The following MAP3K20 variants were observed in gnomAD, a reference collection of about 807,000 sequenced individuals.
MAP3K20 encodes the protein mitogen-activated protein kinase kinase kinase 20, also known as HCCS-4.
Under a neutral mutation model 85.7 loss-of-function variants are expected in MAP3K20, and 40 were observed. The ratio of observed to expected loss-of-function variants is 0.47; its 90% CI spans 0.36 to 0.61. MAP3K20 has a LOEUF of 0.61. Ranked by LOEUF, MAP3K20 falls within the 20% of genes least tolerant of loss-of-function variation. MAP3K20 has a pLI of 0.00. For synonymous variants in MAP3K20, 325 were observed against 327.7 expected (o/e 0.99, Z 0.09); for missense variants, 817 against 961.7 (o/e 0.85, Z 1.99).
intron 2 of MAP3K20, among the ~76,000 whole-genome samples, chr2:173,140,355 AT>A (rs61712003): frequency 5.0e-5 from 7 of 140,968 alleles, no homozygotes; most frequent in South Asian, 2.3e-4. Flanking sequence ...AACTTTCCAG[AT>A]TTTTTTTTTG....
At chr2:173,135,161 A>G (rs1233154774) in intron 2 of MAP3K20, among the ~76,000 whole-genome samples, 1 of 152,236 alleles carries the variant, frequency 6.6e-6, no homozygotes, top group Non-Finnish European at 1.5e-5. Context: ...AAATATTGAA[A>G]AAAAGTTTCC....
intron 10 of MAP3K20, among the ~76,000 whole-genome samples, chr2:173,213,075 T>C (rs992230476): frequency 3.3e-5 from 5 of 152,162 alleles, no homozygotes; most frequent in African/African-American, 9.7e-5. Context: ...ATTGTGTATA[T>C]GTACACAGAG....
intron 16 of MAP3K20, among the ~76,000 whole-genome samples, chr2:173,247,758 A>C (rs1225501948): frequency 1.3e-5 from 2 of 152,224 alleles, no homozygotes; most frequent in Non-Finnish European, 2.9e-5. Context: ...GAAGTGATAG[A>C]TAAATGTTTA....
chr2:173,092,256 C>T (rs892413907), intron 2 of MAP3K20, among the ~76,000 whole-genome samples: 18 of 152,146 alleles, frequency 1.2e-4, no homozygotes, highest in Non-Finnish European at 4.4e-5. Context: ...TTTTGGAAGA[C>T]ATTAAGAAAG....
chr2:173,085,373 C>CTTTT (rs1368505371), intron 1 of MAP3K20, among the ~76,000 whole-genome samples: 19 of 152,170 alleles, frequency 1.2e-4, no homozygotes, highest in Admixed American at 5.2e-4. Context: ...AGATTGAAAA[C>CTTTT]TTTAAAAAGT....
At chr2:173,228,775 C>T (rs766207343) in intron 11 of MAP3K20, among the ~76,000 whole-genome samples, 17 of 151,298 alleles carry the variant, frequency 1.1e-4, no homozygotes, top group Non-Finnish European at 2.1e-4. Flanking sequence ...ACTCACCTAC[C>T]CTATGATTTT....
At chr2:173,175,081 C>T (rs2106256799) in intron 3 of MAP3K20, among the ~76,000 whole-genome samples, 1 of 152,212 alleles carries the variant, frequency 6.6e-6, no homozygotes, top group East Asian at 1.9e-4. Context: ...TTTTGTTGCC[C>T]CTCCCTACTT....
intron 2 of MAP3K20, among the ~76,000 whole-genome samples, chr2:173,155,746 G>A (rs560776094): frequency 6.6e-6 from 1 of 152,212 alleles, no homozygotes; most frequent in African/African-American, 2.4e-5. Context: ...GTATGTTTTG[G>A]GATTATTTGA....
intron 2 of MAP3K20, among the ~76,000 whole-genome samples, chr2:173,161,806 A>T (rs1689665688): frequency 6.6e-6 from 1 of 152,170 alleles, no homozygotes; most frequent in Non-Finnish European, 1.5e-5. Flanking sequence ...GAGTAACCTG[A>T]ATGAACGCTG....
intron 2 of MAP3K20, among the ~76,000 whole-genome samples, chr2:173,154,284 A>G (rs1689392172): frequency 1.3e-5 from 2 of 152,162 alleles, no homozygotes; most frequent in African/African-American, 4.8e-5. Context: ...CCCAGGTTCA[A>G]GCAATTCTCT....
rs370417377 is a variant in MAP3K20 at position 173,134,759 on chromosome 2, C to G, written c.160-35046C>G. Reference sequence around the variant, plus strand: ...TTTTATTTAGGCTACAGAGCCCTTTCCATCCTTATTATGCTTAATATATGC... The same window carrying G: ...TTTTATTTAGGCTACAGAGCCCTTTGCATCCTTATTATGCTTAATATATGC... On this transcript the variant is annotated intron_variant, in intron 2 of 19. Coordinates refer to ENST00000375213, the MANE Select transcript of MAP3K20 (RefSeq NM_016653.3). Among the ~76,000 whole-genome samples the G allele has an allele frequency of 5.4e-4, 82 of 152,132 alleles. 1 individual carries two copies. The South Asian group carries it at 9.6e-3, about 18-fold the overall frequency.
chr2:173,259,168 C>T (rs543579643), intron 17 of MAP3K20, among the ~76,000 whole-genome samples: 6 of 152,036 alleles, frequency 3.9e-5, no homozygotes, highest in Non-Finnish European at 7.4e-5. Flanking sequence ...CTTTGGAAAA[C>T]TTTTCCCGGA....
chr2:173,121,981 G>A (rs908129168), intron 2 of MAP3K20, among the ~76,000 whole-genome samples: 8 of 152,146 alleles, frequency 5.3e-5, no homozygotes, highest in Admixed American at 1.3e-4. Flanking sequence ...AATGACATCC[G>A]CAGAGCATAT....
At chr2:173,206,151 T>G (rs1357153768) in intron 9 of MAP3K20, among the ~76,000 whole-genome samples, 1 of 152,212 alleles carries the variant, frequency 6.6e-6, no homozygotes, top group Non-Finnish European at 1.5e-5. Flanking sequence ...TCTATAATTG[T>G]GATTAGATTT....
At chr2:173,106,420 A>G (rs1687785230) in intron 2 of MAP3K20, among the ~76,000 whole-genome samples, 1 of 152,236 alleles carries the variant, frequency 6.6e-6, no homozygotes, top group Admixed American at 6.5e-5. Flanking sequence ...AAAGATGCCA[A>G]GGCAGTTAAG....
At position 173,134,407 on chromosome 2, in the gene MAP3K20, T is replaced by C. The variant is rs1414877017; in HGVS notation, c.160-35398T>C. On this transcript the variant is annotated intron_variant, in intron 2 of 19. Transcript: ENST00000375213. The stretch of plus-strand genomic sequence containing the variant: ...GTGTCTCTATACATATATATATATA[T>C]ATATATATATATATATATATATTTT... 9.6e-4 allele frequency among the ~76,000 whole-genome samples: 10 copies of C among 10,462 alleles called. 1 individual carries two copies. The highest frequency in any genetic ancestry group is 3.2e-3 in the African/African-American group (10 of 3,098). 6.9% of individuals were successfully genotyped at this position (10,462 alleles called of 152,430 possible).
intron 2 of MAP3K20, among the ~76,000 whole-genome samples, chr2:173,157,773 G>C (rs1208829298): frequency 6.6e-6 from 1 of 152,196 alleles, no homozygotes; most frequent in Non-Finnish European, 1.5e-5. Flanking sequence ...TGATGGCCTA[G>C]TGCCTGTAGG....
At chr2:173,141,025 G>GTA (rs895900020) in intron 2 of MAP3K20, among the ~76,000 whole-genome samples, 39 of 152,162 alleles carry the variant, frequency 2.6e-4, no homozygotes, top group African/African-American at 9.4e-4. Context: ...TATTTTATAT[G>GTA]TATATATATC....
chr2:173,119,823 C>T (rs182316623), intron 2 of MAP3K20, among the ~76,000 whole-genome samples: 79 of 152,334 alleles, frequency 5.2e-4, no homozygotes, highest in African/African-American at 1.9e-3. Flanking sequence ...CCAACAGTCA[C>T]TGTGTCCATT....
Sources: allele counts gnomAD v4.1 joint callset (sites outside exome capture counted in the v4.1 genomes callset), GRCh38; gene constraint gnomAD v4.1.1; transcripts MANE v1.5; gene names NCBI Gene and HGNC (gene_info 2026-07-23, HGNC 2026-07-21).